The following KMT5B variants were observed in gnomAD, a reference collection of about 807,000 sequenced individuals.
The protein encoded by KMT5B is histone-lysine N-methyltransferase KMT5B.
A neutral mutation model predicts 83.2 loss-of-function variants in KMT5B; 10 were observed. The observed-to-expected ratio is 0.12, with a 90% CI of 0.07 to 0.20. The LOEUF (loss-of-function observed/expected upper bound fraction) is 0.20, where lower values mean the gene tolerates loss of function less well. Among genes scored for constraint, KMT5B ranks in the 10% least tolerant of loss-of-function variants. The pLI, the probability that KMT5B is intolerant of heterozygous loss-of-function variation, is 1.00. For missense variants in KMT5B, 753 were observed against 1,067.2 expected (o/e 0.71, Z 4.10); for synonymous variants, 349 against 388.8 (o/e 0.90, Z 1.20).
rs932055959 is a variant in KMT5B, at chr11:68,210,211, C to T, written c.-77+2927G>A. ...AGACAGCTTATAGAAATGCAACTGG[C>T]ATTGTAGGAGTCATACAGGCCCCCA... On this transcript the variant is annotated intron_variant, in intron 1 of 10. Transcript: ENST00000304363. Among the ~76,000 whole-genome samples the T allele has an allele frequency of 2.0e-5, 3 of 151,852 alleles. No individual in the cohort carries two copies. The East Asian group carries it at 5.8e-4, about 30-fold the overall frequency.
At chr11:68,167,408 A>C (rs1855412877) in intron 9 of KMT5B, among the ~76,000 whole-genome samples, 3 of 151,924 alleles carry the variant, frequency 2.0e-5, no homozygotes, top group African/African-American at 7.2e-5. Flanking sequence ...GACTATTATC[A>C]ATCATTAATT....
chr11:68,193,789 ACAG>A (rs1201177008), intron 1 of KMT5B, among the ~76,000 whole-genome samples: 1 of 151,780 alleles, frequency 6.6e-6, no homozygotes. Context: ...ATAGAATTGA[ACAG>A]CAGTATACTT....
At chr11:68,193,332 T>TA (rs1858310045) in intron 1 of KMT5B, among the ~76,000 whole-genome samples, 1 of 152,232 alleles carries the variant, frequency 6.6e-6, no homozygotes, top group African/African-American at 2.4e-5. Flanking sequence ...GTACAAATGA[T>TA]AAATTACTTC....
At chr11:68,209,479 C>T (rs1312911858) in intron 1 of KMT5B, among the ~76,000 whole-genome samples, 1 of 152,162 alleles carries the variant, frequency 6.6e-6, no homozygotes, top group Non-Finnish European at 1.5e-5. Flanking sequence ...ACTGAATGGG[C>T]CTTTTGCGTA....
At chr11:68,213,087 G>A in intron 1 of KMT5B, 51 bp downstream of exon 1, 1 of 79,806 alleles carries the variant, frequency 1.3e-5, no homozygotes, top group South Asian at 4.1e-4. Context: ...CCCCGTCACC[G>A]AGGCCGCCCC....
At chr11:68,174,701 C>T (rs969964368) in intron 5 of KMT5B, among the ~76,000 whole-genome samples, 1 of 152,096 alleles carries the variant, frequency 6.6e-6, no homozygotes. Flanking sequence ...CTATGCCTAG[C>T]TAATTTTTTT....
chr11:68,180,701 T>C (rs1311723211), intron 3 of KMT5B, among the ~76,000 whole-genome samples: 1 of 152,088 alleles, frequency 6.6e-6, no homozygotes, highest in South Asian at 2.1e-4. Context: ...CTGGCCTGAG[T>C]CGCCTTCGCG....
At chr11:68,174,944 TAACA>T in intron 5 of KMT5B, 70 bp downstream of exon 5, 2 of 1,341,894 alleles carry the variant, frequency 1.5e-6, no homozygotes. Context: ...CAGTATTAAC[TAACA>T]TTTAGGGTTT....
intron 1 of KMT5B, among the ~76,000 whole-genome samples, chr11:68,192,407 G>C (rs1188390219): frequency 6.6e-6 from 1 of 152,108 alleles, no homozygotes; most frequent in Non-Finnish European, 1.5e-5. Flanking sequence ...CAGAAGGCAG[G>C]GACTCATTCT....
At chr11:68,182,966 C>A (rs1857088160) in intron 3 of KMT5B, among the ~76,000 whole-genome samples, 1 of 149,478 alleles carries the variant, frequency 6.7e-6, no homozygotes, top group Non-Finnish European at 1.5e-5. Context: ...GAACTCCCGA[C>A]CTCAGGTGAT....
At chr11:68,187,857 T>C (rs1339031426) in intron 2 of KMT5B, among the ~76,000 whole-genome samples, 3 of 152,182 alleles carry the variant, frequency 2.0e-5, no homozygotes, top group African/African-American at 7.2e-5. Context: ...GGGGCACTGC[T>C]CTGTGCTCTC....
rs549202546 is a variant in KMT5B at position 68,177,816 on chromosome 11, A to G, written c.377+2316T>C. Among the ~76,000 whole-genome samples the G allele has an allele frequency of 8.5e-5, 13 of 152,352 alleles. No homozygotes were observed. The East Asian group carries it at 2.5e-3, about 29-fold the overall frequency. On this transcript the variant is annotated intron_variant, in intron 4 of 10. Coordinates refer to ENST00000304363, the MANE Select transcript of KMT5B (RefSeq NM_017635.5). ...GGTGTCAGAGAACCACCATGAAAATAAAGAGCTGTAGAATTGGGAAAGCAT... is the reference window on the plus strand; with the variant it reads ...GGTGTCAGAGAACCACCATGAAAATGAAGAGCTGTAGAATTGGGAAAGCAT...
chr11:68,184,970 C>T (rs1246793678), intron 3 of KMT5B, among the ~76,000 whole-genome samples: 2 of 152,156 alleles, frequency 1.3e-5, no homozygotes, highest in Admixed American at 6.5e-5. Flanking sequence ...TTCTTACCTG[C>T]ATACTGAATA....
chr11:68,200,754 GA>G (rs1260199101), intron 1 of KMT5B, among the ~76,000 whole-genome samples: 1 of 152,198 alleles, frequency 6.6e-6, no homozygotes, highest in Non-Finnish European at 1.5e-5. Context: ...ATCTGAGTAG[GA>G]AAACGAAGTG....
intron 9 of KMT5B, among the ~76,000 whole-genome samples, chr11:68,169,574 C>A (rs1855648312): frequency 6.6e-6 from 1 of 152,174 alleles, no homozygotes; most frequent in Non-Finnish European, 1.5e-5. Context: ...CAGGAAATAA[C>A]AAATTTAGCC....
intron 1 of KMT5B, among the ~76,000 whole-genome samples, chr11:68,192,061 G>A (rs1398192596): frequency 6.6e-6 from 1 of 152,170 alleles, no homozygotes; most frequent in African/African-American, 2.4e-5. Context: ...CAGGTTAGTG[G>A]CCTAGGAGCA....
intron 5 of KMT5B, 75 bp downstream of exon 5, chr11:68,174,939 TTAAC>T (rs1388848374): frequency 1.5e-5 from 19 of 1,269,424 alleles, no homozygotes; most frequent in Admixed American, 4.7e-5. Flanking sequence ...AATTTCAGTA[TTAAC>T]TAACATTTAG....
intron 4 of KMT5B, chr11:68,179,489 G>A: frequency 2.3e-6 from 3 of 1,304,216 alleles, no homozygotes; most frequent in Non-Finnish European, 3.0e-6. Context: ...ACTCTTTCCA[G>A]AGACTCACTT....
intron 10 of KMT5B, among the ~76,000 whole-genome samples, chr11:68,161,692 T>C (rs1164181306): frequency 1.3e-5 from 2 of 152,154 alleles, no homozygotes; most frequent in Non-Finnish European, 2.9e-5. Context: ...AGAAAACCTT[T>C]CTTCTCTTGG....
Sources: allele counts gnomAD v4.1 joint callset (sites outside exome capture counted in the v4.1 genomes callset), GRCh38; gene constraint gnomAD v4.1.1; transcripts MANE v1.5; gene names NCBI Gene and HGNC (gene_info 2026-07-23, HGNC 2026-07-21).